Variants in AUTS2 observed in about 807,000 individuals in gnomAD.
The protein encoded by AUTS2 is activator of transcription and developmental regulator AUTS2, also known as autism susceptibility gene 2 protein.
Under a neutral mutation model 112.4 loss-of-function variants are expected in AUTS2, and 17 were observed. That is an observed-to-expected ratio of 0.15 (90% confidence interval 0.10 to 0.23). The LOEUF (loss-of-function observed/expected upper bound fraction) is 0.23, where lower values mean the gene tolerates loss of function less well. Ranked by LOEUF, AUTS2 falls within the 10% of genes least tolerant of loss-of-function variation. The pLI is 1.00. For synonymous variants in AUTS2, 751 were observed against 702.7 expected, an observed-to-expected ratio of 1.07 and a Z score of -1.09; for missense variants, 1,510 against 1,701.6, an observed-to-expected ratio of 0.89 and a Z score of 1.98.
At chr7:69,796,770 C>A (rs117770131) in intron 1 of AUTS2, among the ~76,000 whole-genome samples, 1 of 152,144 alleles carries the variant, frequency 6.6e-6, no homozygotes, top group Non-Finnish European at 1.5e-5. Flanking sequence ...GAAACATTGC[C>A]TAGCAGAACT....
intron 6 of AUTS2, among the ~76,000 whole-genome samples, chr7:70,756,061 T>A (rs1789177826): frequency 6.6e-6 from 1 of 152,164 alleles, no homozygotes; most frequent in South Asian, 2.1e-4. Context: ...AAAGTCAATG[T>A]TTATTTCTGG....
chr7:69,868,064 T>G (rs1251962932), intron 1 of AUTS2, among the ~76,000 whole-genome samples: 1 of 152,082 alleles, frequency 6.6e-6, no homozygotes, highest in Non-Finnish European at 1.5e-5. Flanking sequence ...AAAGAAAACA[T>G]TATAAAGAAG....
chr7:70,498,071 G>A (rs1164945415), intron 5 of AUTS2, among the ~76,000 whole-genome samples: 1 of 152,198 alleles, frequency 6.6e-6, no homozygotes, highest in Non-Finnish European at 1.5e-5. Flanking sequence ...AATGCTGGGA[G>A]TGAAAAGAAG....
intron 5 of AUTS2, among the ~76,000 whole-genome samples, chr7:70,633,881 G>A (rs575397045): frequency 1.1e-4 from 16 of 152,272 alleles, no homozygotes; most frequent in Admixed American, 3.3e-4. Context: ...TAAATGTGGA[G>A]AAATGTTCAT....
At chr7:70,240,927 G>C (rs1412693122) in intron 4 of AUTS2, among the ~76,000 whole-genome samples, 1 of 152,108 alleles carries the variant, frequency 6.6e-6, no homozygotes. Flanking sequence ...ATCCACTTCG[G>C]GTTTTGAATA....
At position 70,193,426 on chromosome 7, in the gene AUTS2, A is replaced by G. The variant is rs116790812; in HGVS notation, c.660+58855A>G. Among the ~76,000 whole-genome samples the G allele has an allele frequency of 2.9e-3, 442 of 152,354 alleles. 5 individuals are homozygous for G. Among genetic ancestry groups the G allele is most frequent in the African/African-American group, 0.01 (428 of 41,596 alleles). On this transcript the variant is annotated intron_variant, in intron 4 of 18. Coordinates refer to ENST00000342771, the MANE Select transcript of AUTS2 (RefSeq NM_015570.4). The stretch of plus-strand genomic sequence containing the variant: ...TAAGATCTTGCTCTGTGCCAAGCAC[A>G]TGCTATTTTGCATTAAAAGAGACCC...
At chr7:69,689,418 T>C (rs1275433787) in intron 1 of AUTS2, among the ~76,000 whole-genome samples, 1 of 147,198 alleles carries the variant, frequency 6.8e-6, no homozygotes, top group Non-Finnish European at 1.5e-5. Flanking sequence ...TGGCGCGATC[T>C]TGGCTTAATG....
At chr7:70,212,691 G>GAA (rs34971376) in intron 4 of AUTS2, among the ~76,000 whole-genome samples, 75 of 147,198 alleles carry the variant, frequency 5.1e-4, no homozygotes, top group Middle Eastern at 3.5e-3. Flanking sequence ...CCCCTTTCAG[G>GAA]AAAAAAAAAA....
chr7:70,496,904 A>AT (rs1798559544), intron 5 of AUTS2, among the ~76,000 whole-genome samples: 3 of 124,280 alleles, frequency 2.4e-5, no homozygotes, highest in Admixed American at 8.3e-5. Flanking sequence ...TCGATCACAC[A>AT]CCCCTCACAC....
At chr7:69,950,877 G>A (rs760076634) in intron 2 of AUTS2, among the ~76,000 whole-genome samples, 1 of 152,084 alleles carries the variant, frequency 6.6e-6, no homozygotes, top group African/African-American at 2.4e-5. Context: ...TTACGTCTGT[G>A]TGATTTCAGC....
At chr7:70,047,982 G>A (rs1453109977) in intron 2 of AUTS2, among the ~76,000 whole-genome samples, 3 of 152,082 alleles carry the variant, frequency 2.0e-5, no homozygotes, top group East Asian at 3.9e-4. Context: ...TGGGAGCATG[G>A]GTCTGCTGTA....
intron 4 of AUTS2, among the ~76,000 whole-genome samples, chr7:70,240,412 G>A (rs947642844): frequency 6.6e-6 from 1 of 152,146 alleles, no homozygotes; most frequent in African/African-American, 2.4e-5. Context: ...TAAAGTGCCT[G>A]GCATATGGAA....
At chr7:70,507,202 A>G (rs1798999297) in intron 5 of AUTS2, among the ~76,000 whole-genome samples, 2 of 152,310 alleles carry the variant, frequency 1.3e-5, no homozygotes, top group South Asian at 4.1e-4. Flanking sequence ...GACTAACCAG[A>G]GAAACACAGA....
At chr7:69,913,199 C>T (rs533330632) in intron 2 of AUTS2, among the ~76,000 whole-genome samples, 18 of 152,198 alleles carry the variant, frequency 1.2e-4, no homozygotes, top group Non-Finnish European at 1.9e-4. Context: ...TTGACTAGTT[C>T]AGACCCACTT....
At chr7:70,383,122 T>C (rs1028163979) in intron 4 of AUTS2, among the ~76,000 whole-genome samples, 2 of 152,250 alleles carry the variant, frequency 1.3e-5, no homozygotes, top group African/African-American at 4.8e-5. Context: ...TCTCATCATT[T>C]GGCTTTACCA....
chr7:70,411,833 G>A (rs1369719786), intron 4 of AUTS2, among the ~76,000 whole-genome samples: 4 of 151,856 alleles, frequency 2.6e-5, no homozygotes, highest in Non-Finnish European at 5.9e-5. Flanking sequence ...GAACGAGGTG[G>A]TTTTGGGAAA....
chr7:69,735,288 A>G (rs1283790471), intron 1 of AUTS2, among the ~76,000 whole-genome samples: 1 of 152,184 alleles, frequency 6.6e-6, no homozygotes, highest in Non-Finnish European at 1.5e-5. Context: ...GGGGTATCAG[A>G]CCTGGTTATG....
chr7:70,614,831 C>T lies in AUTS2; in HGVS notation c.691-83738C>T, dbSNP rs75279257. Among the ~76,000 whole-genome samples the T allele has an allele frequency of 3.2e-4, 48 of 152,354 alleles. No homozygotes were observed. The East Asian group carries it at 7.5e-3, about 24-fold the overall frequency. ...AGCCAGCTGGCACTCTCACGCTGAG[C>T]ACATTCACTTCCCCTGGCTGGTCGG... On this transcript the variant is annotated intron_variant, in intron 5 of 18. Coordinates refer to ENST00000342771, the MANE Select transcript of AUTS2 (RefSeq NM_015570.4).
At chr7:69,878,053 T>TG (rs778732013) in intron 1 of AUTS2, among the ~76,000 whole-genome samples, 2 of 151,836 alleles carry the variant, frequency 1.3e-5, no homozygotes, top group Non-Finnish European at 2.9e-5. Flanking sequence ...GGGTAGACGG[T>TG]GGGGGGCATG....
Sources: allele counts gnomAD v4.1 joint callset (sites outside exome capture counted in the v4.1 genomes callset), GRCh38; gene constraint gnomAD v4.1.1; transcripts MANE v1.5; gene names NCBI Gene and HGNC (gene_info 2026-07-23, HGNC 2026-07-21).